Variants in ECPAS observed in about 807,000 individuals in gnomAD.
The protein encoded by ECPAS is proteasome adapter and scaffold protein ECM29.
A neutral mutation model predicts 255.1 loss-of-function variants in ECPAS; 70 were observed. The observed-to-expected ratio is 0.27, with a 90% CI of 0.23 to 0.33. The LOEUF (loss-of-function observed/expected upper bound fraction) is 0.33. Among genes scored for constraint, ECPAS ranks in the 10% least tolerant of loss-of-function variants. The pLI, the probability that ECPAS is intolerant of heterozygous loss-of-function variation, is 1.00. For missense variants in ECPAS, 1,817 were observed against 2,206.4 expected (o/e 0.82, Z 3.54); for synonymous variants, 784 against 775.0 (o/e 1.01, Z -0.19).
At position 111,371,553 on chromosome 9, in the gene ECPAS, C is replaced by T. The variant is rs1372696701; in HGVS notation, c.4737+68G>A. ...TTGGAAAAGTTACACAAAACCAGATCGTTACTATTATGCAAAATGAAAGAT... is the reference window on the plus strand; with the variant it reads ...TTGGAAAAGTTACACAAAACCAGATTGTTACTATTATGCAAAATGAAAGAT... On this transcript the variant is annotated intron_variant, in intron 43 of 49. Coordinates refer to ENST00000684092, the MANE Select transcript of ECPAS (RefSeq NM_001364929.1). 5.9e-6 allele frequency: 8 copies of T among 1,360,052 alleles called. No homozygotes were observed. The African/African-American group carries it at 7.2e-5, about 12-fold the overall frequency. 84.2% of individuals were successfully genotyped at this position (1,360,052 alleles called of 1,614,324 possible).
intron 12 of ECPAS, among the ~76,000 whole-genome samples, chr9:111,423,952 T>C (rs1589177211): frequency 6.6e-6 from 1 of 152,344 alleles, no homozygotes; most frequent in East Asian, 1.9e-4. Context: ...GATTCATCTG[T>C]TGGGAAGACA....
intron 13 of ECPAS, 102 bp from the exon 14 acceptor site, chr9:111,422,302 C>CA: frequency 8.1e-7 from 1 of 1,240,106 alleles, no homozygotes; most frequent in Non-Finnish European, 1.1e-6. Context: ...TCTCTGAAGA[C>CA]AATGTCAGCA....
intron 31 of ECPAS, among the ~76,000 whole-genome samples, chr9:111,388,479 G>C (rs1314778505): frequency 6.6e-6 from 1 of 151,066 alleles, no homozygotes; most frequent in Non-Finnish European, 1.5e-5. Flanking sequence ...CCTAGTACCA[G>C]ACAGGAGAGA....
At chr9:111,433,472 T>C (rs758612263) in intron 7 of ECPAS, 100 bp from the exon 8 acceptor site, 11 of 1,262,574 alleles carry the variant, frequency 8.7e-6, no homozygotes, top group Non-Finnish European at 1.1e-5. Flanking sequence ...AAGCCAAAGA[T>C]GAGCAGTAAC....
intron 9 of ECPAS, among the ~76,000 whole-genome samples, chr9:111,429,978 G>A (rs182689673): frequency 6.6e-6 from 1 of 152,328 alleles, no homozygotes; most frequent in African/African-American, 2.4e-5. Context: ...GGCTTTAGAA[G>A]GACCTATCTT....
intron 1 of ECPAS, among the ~76,000 whole-genome samples, chr9:111,482,996 C>A (rs571892743): frequency 6.6e-6 from 1 of 152,360 alleles, no homozygotes; most frequent in African/African-American, 2.4e-5. Context: ...CTCCGCCCTC[C>A]CTGCTCCATC....
chr9:111,419,630 C>T lies in ECPAS; in HGVS notation c.1559+387G>A, dbSNP rs184887677. Among the ~76,000 whole-genome samples, 135 of 151,638 alleles carry T rather than the reference C, an allele frequency of 8.9e-4. 1 individual carries two copies. Among genetic ancestry groups the T allele is most frequent in the African/African-American group, 3.0e-3 (125 of 41,442 alleles). On this transcript the variant is annotated intron_variant, in intron 16 of 49. Coordinates refer to ENST00000684092, the MANE Select transcript of ECPAS (RefSeq NM_001364929.1). ...CTCCATATTTAATAAAATATTAATA[C>T]ATATGTCAAACCATCAACATCAGCC...
At chr9:111,380,612 AC>A (rs1442911533) in intron 35 of ECPAS, among the ~76,000 whole-genome samples, 1 of 152,196 alleles carries the variant, frequency 6.6e-6, no homozygotes, top group East Asian at 1.9e-4. Context: ...CCGGGCACTG[AC>A]TTCTCTCTAG....
At chr9:111,407,217 C>T (rs1160882021) in intron 24 of ECPAS, among the ~76,000 whole-genome samples, 2 of 146,634 alleles carry the variant, frequency 1.4e-5, no homozygotes, top group African/African-American at 5.3e-5. Context: ...GCCTGGTCAA[C>T]ATGGTGAAAC....
chr9:111,430,524 G>A, intron 9 of ECPAS, 23 bp downstream of exon 9: 3 of 1,443,252 alleles, frequency 2.1e-6, no homozygotes, highest in Non-Finnish European at 1.9e-6. Flanking sequence ...ACGCTGATGT[G>A]AGAATAAATC....
chr9:111,410,488 G>C (rs1009453744), intron 22 of ECPAS, among the ~76,000 whole-genome samples: 3 of 151,622 alleles, frequency 2.0e-5, no homozygotes, highest in Non-Finnish European at 2.9e-5. Context: ...AAAAAAAATA[G>C]AGTGCTTTCA....
In ECPAS at chr9:111,375,551, C is replaced by T. The variant is rs1181571139; in HGVS notation, c.4021-349G>A. ...ACCTAAACTAAATATTGATCTTCTA[C>T]AGTGGGCCTACCCTACCAAACCCCC... On this transcript the variant is annotated intron_variant, in intron 37 of 49. Coordinates refer to ENST00000684092, the MANE Select transcript of ECPAS (RefSeq NM_001364929.1). Among the ~76,000 whole-genome samples, 3 of 152,176 alleles carry T rather than the reference C, an allele frequency of 2.0e-5. No homozygotes were observed. In the East Asian group the frequency reaches 5.8e-4, roughly 29 times the overall value.
chr9:111,445,793 A>G (rs549521712), intron 3 of ECPAS, among the ~76,000 whole-genome samples: 1 of 152,232 alleles, frequency 6.6e-6, no homozygotes, highest in African/African-American at 2.4e-5. Flanking sequence ...CATCATCTAC[A>G]TTAGGTATTT....
chr9:111,384,880 C>T (rs1418186634), intron 33 of ECPAS, among the ~76,000 whole-genome samples: 1 of 152,040 alleles, frequency 6.6e-6, no homozygotes, highest in South Asian at 2.1e-4. Flanking sequence ...AATTCTGAAA[C>T]ACTTAAAAGC....
intron 42 of ECPAS, 63 bp from the exon 43 acceptor site, chr9:111,371,892 C>T (rs561950853): frequency 7.1e-6 from 10 of 1,408,856 alleles, no homozygotes; most frequent in Non-Finnish European, 9.9e-6. Flanking sequence ...TTTTCTAAAC[C>T]TGAAAAAAAG....
chr9:111,381,072 A>G (rs1386164315), intron 35 of ECPAS, among the ~76,000 whole-genome samples: 1 of 152,224 alleles, frequency 6.6e-6, no homozygotes, highest in Non-Finnish European at 1.5e-5. Context: ...CATTTCCTTT[A>G]CATTCACAAC....
At chr9:111,442,472 G>A (rs2131906255) in intron 4 of ECPAS, 48 bp from the exon 5 acceptor site, 1 of 1,067,446 alleles carries the variant, frequency 9.4e-7, no homozygotes, top group Non-Finnish European at 1.4e-6. Context: ...AATACTCTAT[G>A]ATTTCAATGA....
At chr9:111,413,319 TAAAG>T (rs2098197796) in intron 20 of ECPAS, among the ~76,000 whole-genome samples, 1 of 152,350 alleles carries the variant, frequency 6.6e-6, no homozygotes, top group Admixed American at 6.5e-5. Flanking sequence ...CTGAGGCTGT[TAAAG>T]AAGATGCTCT....
intron 16 of ECPAS, 45 bp from the exon 17 acceptor site, chr9:111,418,051 T>C: frequency 6.6e-7 from 1 of 1,514,716 alleles, no homozygotes; most frequent in Non-Finnish European, 8.8e-7. Context: ...ATGTCACCAA[T>C]GGGAAATGAT....
Sources: allele counts gnomAD v4.1 joint callset (sites outside exome capture counted in the v4.1 genomes callset), GRCh38; gene constraint gnomAD v4.1.1; transcripts MANE v1.5; gene names NCBI Gene and HGNC (gene_info 2026-07-23, HGNC 2026-07-21).